The following GRIK2 variants were observed in gnomAD, a reference collection of about 807,000 sequenced individuals.
The protein encoded by GRIK2 is glutamate receptor ionotropic, kainate 2.
A neutral mutation model predicts 100.3 loss-of-function variants in GRIK2; 32 were observed. The ratio of observed to expected loss-of-function variants is 0.32; its 90% CI spans 0.24 to 0.43. GRIK2 has a LOEUF of 0.43. Among genes scored for constraint, GRIK2 ranks in the 20% least tolerant of loss-of-function variants. The probability of loss-of-function intolerance (pLI) is 1.00; values close to 1 mark genes in which losing one functional copy is unlikely to be tolerated. For missense variants in GRIK2, 843 were observed against 1,114.9 expected, an observed-to-expected ratio of 0.76 and a Z score of 3.47; for synonymous variants, 417 against 389.4, an observed-to-expected ratio of 1.07 and a Z score of -0.83.
rs144090591 is a variant in GRIK2 at position 102,032,671 on chromosome 6, G to A, written c.2086-2670G>A. On this transcript the variant is annotated intron_variant, in intron 14 of 16. Transcript: ENST00000369134. ...CTCATATTAGAGAGTTCTTGATGTT[G>A]TAAATGCAAGAGAATGCATTTTGAG... 2.2e-3 allele frequency among the ~76,000 whole-genome samples: 334 copies of A among 151,372 alleles called. 3 individuals carry two copies. Among genetic ancestry groups the A allele is most frequent in the African/African-American group, 7.5e-3 (312 of 41,422 alleles).
At chr6:101,523,298 T>C (rs1191697438) in intron 2 of GRIK2, among the ~76,000 whole-genome samples, 1 of 152,132 alleles carries the variant, frequency 6.6e-6, no homozygotes, top group Non-Finnish European at 1.5e-5. Flanking sequence ...GTAAAGACGA[T>C]GCTAGGAATT....
At chr6:101,989,467 T>C (rs1794235448) in intron 14 of GRIK2, among the ~76,000 whole-genome samples, 1 of 151,748 alleles carries the variant, frequency 6.6e-6, no homozygotes, top group African/African-American at 2.4e-5. Context: ...AAATTCTTCA[T>C]GTCACTTAGG....
At chr6:101,594,258 TG>T (rs1256907843) in intron 2 of GRIK2, among the ~76,000 whole-genome samples, 1 of 151,794 alleles carries the variant, frequency 6.6e-6, no homozygotes, top group Non-Finnish European at 1.5e-5. Flanking sequence ...GGAAAGTCAA[TG>T]GGGTTGGAAT....
At chr6:101,838,297 G>C (rs1174712789) in intron 10 of GRIK2, among the ~76,000 whole-genome samples, 2 of 152,040 alleles carry the variant, frequency 1.3e-5, no homozygotes, top group East Asian at 3.9e-4. Context: ...AAATAAATTT[G>C]TATGTTTTGC....
chr6:101,531,504 G>T (rs1209915470), intron 2 of GRIK2, among the ~76,000 whole-genome samples: 2 of 151,856 alleles, frequency 1.3e-5, no homozygotes, highest in African/African-American at 4.8e-5. Context: ...AGTCCTCAAA[G>T]GAGACTGTAT....
intron 15 of GRIK2, among the ~76,000 whole-genome samples, chr6:102,044,206 AG>A: frequency 6.6e-6 from 1 of 152,212 alleles, no homozygotes; most frequent in Admixed American, 6.6e-5. Flanking sequence ...GTCAGATAAA[AG>A]TGAACCAATC....
At chr6:101,693,162 T>G (rs555354873) in intron 7 of GRIK2, among the ~76,000 whole-genome samples, 2 of 152,250 alleles carry the variant, frequency 1.3e-5, no homozygotes, top group East Asian at 3.9e-4. Context: ...ATATGGAATT[T>G]CTATTTTAAG....
chr6:101,934,819 T>C (rs944591802), intron 14 of GRIK2, among the ~76,000 whole-genome samples: 1 of 152,010 alleles, frequency 6.6e-6, no homozygotes, highest in African/African-American at 2.4e-5. Context: ...CTTTTCACAT[T>C]GAAAAATGTC....
At chr6:101,405,055 C>G (rs1341532396) in intron 2 of GRIK2, among the ~76,000 whole-genome samples, 3 of 152,110 alleles carry the variant, frequency 2.0e-5, no homozygotes, top group African/African-American at 7.2e-5. Flanking sequence ...TTTAAAACAA[C>G]AGAGCACAGA....
chr6:101,751,942 A>C (rs1294093125), intron 7 of GRIK2, among the ~76,000 whole-genome samples: 1 of 152,166 alleles, frequency 6.6e-6, no homozygotes, highest in Non-Finnish European at 1.5e-5. Context: ...GGGCTAAATG[A>C]GGAGATTCTA....
At chr6:101,617,852 C>G (rs1409150711) in intron 2 of GRIK2, among the ~76,000 whole-genome samples, 1 of 151,734 alleles carries the variant, frequency 6.6e-6, no homozygotes, top group Non-Finnish European at 1.5e-5. Flanking sequence ...GTCACACACA[C>G]ACACGTGAAA....
At chr6:101,791,135 T>C (rs922096967) in intron 7 of GRIK2, among the ~76,000 whole-genome samples, 2 of 152,214 alleles carry the variant, frequency 1.3e-5, no homozygotes, top group African/African-American at 2.4e-5. Context: ...TCTATCAATT[T>C]TGTTGATCCT....
intron 2 of GRIK2, among the ~76,000 whole-genome samples, chr6:101,610,256 G>C (rs1779613594): frequency 6.6e-6 from 1 of 151,520 alleles, no homozygotes; most frequent in South Asian, 2.1e-4. Flanking sequence ...AATAGATACT[G>C]TTTTGTATAT....
chr6:101,803,200 T>TAG (rs1307217259), intron 9 of GRIK2, among the ~76,000 whole-genome samples: 1 of 151,896 alleles, frequency 6.6e-6, no homozygotes, highest in Non-Finnish European at 1.5e-5. Context: ...GCTTTGAAGA[T>TAG]AGTAAGCTAT....
chr6:102,036,449 G>A (rs531557868), intron 15 of GRIK2, among the ~76,000 whole-genome samples: 345 of 151,424 alleles, frequency 2.3e-3, no homozygotes, highest in Admixed American at 4.1e-3. Context: ...TTAAGTTAAG[G>A]ATCTTGAGAT....
At chr6:101,584,908 A>G (rs1778280167) in intron 2 of GRIK2, among the ~76,000 whole-genome samples, 1 of 151,974 alleles carries the variant, frequency 6.6e-6, no homozygotes, top group Non-Finnish European at 1.5e-5. Flanking sequence ...ATGTAGTTAC[A>G]TCACCACTTA....
chr6:101,419,515 G>A (rs1776314088), intron 2 of GRIK2, among the ~76,000 whole-genome samples: 1 of 152,124 alleles, frequency 6.6e-6, no homozygotes, highest in African/African-American at 2.4e-5. Context: ...GATTTAGAGG[G>A]ACGGAGCAAT....
At chr6:102,054,267 A>G (rs1209201689) in intron 15 of GRIK2, among the ~76,000 whole-genome samples, 1 of 152,188 alleles carries the variant, frequency 6.6e-6, no homozygotes, top group Admixed American at 6.5e-5. Context: ...TCTCACTAAA[A>G]GAGATGTATA....
chr6:101,859,579 G>C (rs573574418), intron 11 of GRIK2, 86 bp downstream of exon 11: 73 of 746,514 alleles, frequency 9.8e-5, no homozygotes, highest in Middle Eastern at 9.4e-4. Flanking sequence ...TAACTACAAA[G>C]AGTAGTGATA....
Sources: allele counts gnomAD v4.1 joint callset (sites outside exome capture counted in the v4.1 genomes callset), GRCh38; gene constraint gnomAD v4.1.1; transcripts MANE v1.5; gene names NCBI Gene and HGNC (gene_info 2026-07-23, HGNC 2026-07-21).